The following ARHGEF37 variants were observed in gnomAD, a reference collection of about 807,000 sequenced individuals.
ARHGEF37 encodes the protein Rho guanine nucleotide exchange factor (GEF) 37.
In ARHGEF37, 55 loss-of-function variants were observed where a neutral mutation model predicts 71.1. That is an observed-to-expected ratio of 0.77 (90% CI 0.62 to 0.97). The LOEUF is 0.97. Among genes scored for constraint, ARHGEF37 ranks in the 50% least tolerant of loss-of-function variants. The probability of loss-of-function intolerance (pLI) is 0.00; values close to 1 mark genes in which losing one functional copy is unlikely to be tolerated. For synonymous variants in ARHGEF37, 327 were observed against 350.6 expected (o/e 0.93, Z 0.75); for missense variants, 765 against 836.8 (o/e 0.91, Z 1.06).
rs928468370 is a variant in ARHGEF37, at chr5:149,629,754, C to T, written c.1818+788C>T. 8.5e-5 allele frequency among the ~76,000 whole-genome samples: 13 copies of T among 152,176 alleles called. No homozygotes were observed. The East Asian group carries it at 2.1e-3, about 25-fold the overall frequency. ...GCAGCATGTGTATGCGTGTTCATGG[C>T]GGCATTATTCATTGCAGCCAAAAAG... is the stretch of plus-strand genomic sequence containing the variant. On this transcript the variant is annotated intron_variant, in intron 12 of 12. Coordinates refer to ENST00000333677, the MANE Select transcript of ARHGEF37 (RefSeq NM_001001669.3).
intron 3 of ARHGEF37, among the ~76,000 whole-genome samples, chr5:149,601,600 C>T (rs1763757894): frequency 6.6e-6 from 1 of 152,182 alleles, no homozygotes; most frequent in Admixed American, 6.5e-5. Flanking sequence ...CTTCTATTCT[C>T]ATGGGGTTGA....
chr5:149,568,708 G>A (rs1166859654), intron 1 of ARHGEF37, among the ~76,000 whole-genome samples: 1 of 151,686 alleles, frequency 6.6e-6, no homozygotes, highest in Non-Finnish European at 1.5e-5. Context: ...TTACTTGGGA[G>A]GCTGAGGCAG....
rs186512976 is a variant in ARHGEF37, at chr5:149,566,424, G to A, written c.-12+14301G>A. Among the ~76,000 whole-genome samples, 444 of 152,072 alleles carry A rather than the reference G, an allele frequency of 2.9e-3. 3 individuals carry two copies. Among genetic ancestry groups the A allele is most frequent in the African/African-American group, 0.011 (437 of 41,486 alleles). ...AGGCAGGAGAATTCACTTGAGCCTG[G>A]GAGGCAGAAGTTGCAGTGAGCCAAG... On this transcript the variant is annotated intron_variant, in intron 1 of 2. Transcript: ENST00000505810.
intron 1 of ARHGEF37, among the ~76,000 whole-genome samples, chr5:149,595,554 G>C (rs1763520892): frequency 6.6e-6 from 1 of 152,086 alleles, no homozygotes; most frequent in South Asian, 2.1e-4. Flanking sequence ...CCCTGTTTCT[G>C]TTTTGGCCTG....
At chr5:149,589,777 C>T (rs977591247) in intron 1 of ARHGEF37, among the ~76,000 whole-genome samples, 9 of 152,084 alleles carry the variant, frequency 5.9e-5, no homozygotes, top group Admixed American at 2.0e-4. Flanking sequence ...TCTTGGCCTC[C>T]CAAAGTGCTG....
At chr5:149,565,499 T>C (rs1280281082) in intron 1 of ARHGEF37, among the ~76,000 whole-genome samples, 2 of 152,188 alleles carry the variant, frequency 1.3e-5, no homozygotes, top group Non-Finnish European at 2.9e-5. Context: ...ATACAACATA[T>C]ATTTATGAAT....
In ARHGEF37 at chr5:149,607,955, A is replaced by G. The variant is rs1039066480; in HGVS notation, c.311-1593A>G. 3.3e-5 allele frequency among the ~76,000 whole-genome samples: 5 copies of G among 151,808 alleles called. No homozygotes were observed. The East Asian group carries it at 9.7e-4, about 30-fold the overall frequency. On this transcript the variant is annotated intron_variant, in intron 3 of 12. Coordinates refer to ENST00000333677, the MANE Select transcript of ARHGEF37 (RefSeq NM_001001669.3). The stretch of plus-strand genomic sequence containing the variant: ...CAAATTTTTTTTGTATTTTTAGTAG[A>G]GACGGGATTTCATTGTGTTAGCCAG...
intron 11 of ARHGEF37, among the ~76,000 whole-genome samples, chr5:149,628,574 G>A (rs1752771774): frequency 6.6e-6 from 1 of 152,186 alleles, no homozygotes; most frequent in Non-Finnish European, 1.5e-5. Flanking sequence ...TATCATAGCT[G>A]ATCAAAGGGA....
chr5:149,618,074 G>A (rs1752426062), intron 5 of ARHGEF37, 102 bp from the exon 6 acceptor site: 2 of 1,496,266 alleles, frequency 1.3e-6, no homozygotes, highest in African/African-American at 2.8e-5. Context: ...TGACCCTGAT[G>A]GAGCAGAGGG....
At position 149,554,189 on chromosome 5, in the gene ARHGEF37, G is replaced by A. The variant is rs139464820; in HGVS notation, c.-12+2066G>A. 2.9e-3 allele frequency among the ~76,000 whole-genome samples: 448 copies of A among 152,214 alleles called. 3 individuals are homozygous for A. Among genetic ancestry groups the A allele is most frequent in the African/African-American group, 0.011 (436 of 41,512 alleles). The stretch of plus-strand genomic sequence containing the variant: ...TCTCAAAAAAAAAGTTGAAAGCTGC[G>A]TACGGTGGCTCATGCATGTAATCCC... On this transcript the variant is annotated intron_variant, in intron 1 of 2. Transcript: ENST00000505810.
At chr5:149,580,172 T>G (rs1367654468), upstream of ARHGEF37, among the ~76,000 whole-genome samples, 1 of 152,058 alleles carries the variant, frequency 6.6e-6, no homozygotes, top group Non-Finnish European at 1.5e-5. Flanking sequence ...GTGATTCTCC[T>G]GCCTCAGCCT....
intron 1 of ARHGEF37, among the ~76,000 whole-genome samples, 199 bp from the exon 2 acceptor site, chr5:149,597,560 C>G (rs1763583591): frequency 6.6e-6 from 1 of 152,132 alleles, no homozygotes; most frequent in Non-Finnish European, 1.5e-5. Context: ...CCTAAAATGT[C>G]AAGAGTTATC....
chr5:149,591,376 C>T (rs1561791653), intron 1 of ARHGEF37, among the ~76,000 whole-genome samples: 1 of 152,164 alleles, frequency 6.6e-6, no homozygotes, highest in African/African-American at 2.4e-5. Flanking sequence ...AGCCACCGTG[C>T]TCGGCCAGCC....
At chr5:149,594,198 C>A (rs1763484231) in intron 1 of ARHGEF37, among the ~76,000 whole-genome samples, 1 of 152,150 alleles carries the variant, frequency 6.6e-6, no homozygotes, top group South Asian at 2.1e-4. Context: ...TTGCAATTAA[C>A]CTAAGTGCAA....
At chr5:149,584,274 T>C (rs917772769) in intron 1 of ARHGEF37, among the ~76,000 whole-genome samples, 1 of 152,228 alleles carries the variant, frequency 6.6e-6, no homozygotes, top group African/African-American at 2.4e-5. Context: ...GAAATATGGC[T>C]AAGGACAAAC....
chr5:149,576,254 CAAAT>C (rs1300581189), intron 1 of ARHGEF37, among the ~76,000 whole-genome samples: 1 of 152,138 alleles, frequency 6.6e-6, no homozygotes, highest in Non-Finnish European at 1.5e-5. Context: ...CAAAAGCAAA[CAAAT>C]AAACAAAGAA....
intron 8 of ARHGEF37, among the ~76,000 whole-genome samples, chr5:149,620,974 T>G (rs1422649441): frequency 6.6e-6 from 1 of 152,230 alleles, no homozygotes; most frequent in Non-Finnish European, 1.5e-5. Flanking sequence ...TGCCAGGCTC[T>G]ATGCTAAGCC....
intron 1 of ARHGEF37, among the ~76,000 whole-genome samples, chr5:149,592,957 A>G (rs1763453711): frequency 6.6e-6 from 1 of 151,964 alleles, no homozygotes; most frequent in African/African-American, 2.4e-5. Context: ...TTTAGTAGAG[A>G]CGGGGTTTTG....
At chr5:149,624,981 C>CT (rs1752643642) in intron 10 of ARHGEF37, among the ~76,000 whole-genome samples, 1 of 147,210 alleles carries the variant, frequency 6.8e-6, no homozygotes. Flanking sequence ...TTATTGCAAC[C>CT]TCCACCTCTC....
Sources: allele counts gnomAD v4.1 joint callset (sites outside exome capture counted in the v4.1 genomes callset), GRCh38; gene constraint gnomAD v4.1.1; transcripts MANE v1.5; gene names NCBI Gene and HGNC (gene_info 2026-07-23, HGNC 2026-07-21).